Variants in FBXO34 observed in about 807,000 individuals in gnomAD.
The protein encoded by FBXO34 is F-box protein 34.
A neutral mutation model predicts 24.5 loss-of-function variants in FBXO34; 12 were observed. The ratio of observed to expected loss-of-function variants is 0.49; its 90% CI spans 0.31 to 0.79. The LOEUF (loss-of-function observed/expected upper bound fraction) is 0.79, where lower values mean the gene tolerates loss of function less well. Among genes scored for constraint, FBXO34 ranks in the 30% least tolerant of loss-of-function variants. The pLI is 0.04. For missense variants in FBXO34, 823 were observed against 857.7 expected (o/e 0.96, Z 0.51); for synonymous variants, 320 against 311.9 (o/e 1.03, Z -0.27).
intron 1 of FBXO34, among the ~76,000 whole-genome samples, chr14:55,321,323 A>G (rs532065352): frequency 1.1e-4 from 16 of 152,220 alleles, no homozygotes; most frequent in Non-Finnish European, 2.2e-4. Context: ...ACCTGCAAAG[A>G]ACAGATGCCT....
Position 55,351,602 on chromosome 14 carries a change from T to C in FBXO34, c.1212T>C (p.Asp404=). 6.2e-7 allele frequency: 1 copy of C among 1,614,184 alleles called. No homozygotes were observed. The highest frequency in any genetic ancestry group is 2.2e-5 in the East Asian group (1 of 44,888). Residue 404 remains aspartate, a synonymous_variant, in exon 2 of 2, where the codon GAT becomes GAC. Coordinates refer to ENST00000313833, the MANE Select transcript of FBXO34 (RefSeq NM_017943.4). Reference sequence around the variant, plus strand: ...CCGTGAAAAACAGCAACAGATATGATGTGGAAATGACAGATGAACTCGTTG... The same window carrying C: ...CCGTGAAAAACAGCAACAGATATGACGTGGAAATGACAGATGAACTCGTTG... ...QTAVKNSNRY[D]VEMTDELVGL...
chr14:55,354,593 T>A (rs1477974947), downstream of FBXO34: 1 of 152,270 alleles, frequency 6.6e-6, no homozygotes, highest in African/African-American at 2.4e-5. Flanking sequence ...ACAGTAAGTA[T>A]GTCCCAGCCC....
intron 1 of FBXO34, among the ~76,000 whole-genome samples, chr14:55,296,844 T>G (rs1882152294): frequency 6.6e-6 from 1 of 152,252 alleles, no homozygotes; most frequent in Non-Finnish European, 1.5e-5. Context: ...GAATTAGTTT[T>G]GAACCTTAAT....
chr14:55,405,800 T>G, the FBXO34 span, among the ~76,000 whole-genome samples: 2 of 152,060 alleles, frequency 1.3e-5, no homozygotes, highest in Non-Finnish European at 2.9e-5. Flanking sequence ...TCTTCATCCC[T>G]TAAGGAAGCA....
downstream of FBXO34, among the ~76,000 whole-genome samples, chr14:55,370,314 G>C (rs369563173): frequency 6.6e-6 from 1 of 152,170 alleles, no homozygotes; most frequent in Admixed American, 6.5e-5. Context: ...AAAGCCACTT[G>C]ATGTATACTC....
At chr14:55,379,330 G>A in the FBXO34 span, among the ~76,000 whole-genome samples, 1 of 151,864 alleles carries the variant, frequency 6.6e-6, no homozygotes, top group East Asian at 2.0e-4. Context: ...GAGCCCAGGA[G>A]TTCAAGACCA....
the FBXO34 span, among the ~76,000 whole-genome samples, chr14:55,430,541 G>C: frequency 6.6e-6 from 1 of 151,968 alleles, no homozygotes; most frequent in Non-Finnish European, 1.5e-5. Context: ...TAAGTAGCCT[G>C]CAGGGGCATG....
At chr14:55,300,372 C>G (rs1341765839) in intron 1 of FBXO34, among the ~76,000 whole-genome samples, 1 of 152,172 alleles carries the variant, frequency 6.6e-6, no homozygotes, top group East Asian at 1.9e-4. Context: ...GCGGGTGGAT[C>G]ACGAGGTCAG....
chr14:55,419,212 C>G, the FBXO34 span, among the ~76,000 whole-genome samples: 2 of 152,184 alleles, frequency 1.3e-5, no homozygotes, highest in African/African-American at 4.8e-5. Flanking sequence ...TGCCTGTTGC[C>G]CTGCGGCACA....
chr14:55,330,621 A>G (rs148779984), intron 1 of FBXO34, among the ~76,000 whole-genome samples: 3 of 152,056 alleles, frequency 2.0e-5, no homozygotes, highest in African/African-American at 7.3e-5. Context: ...TCTCTACAAA[A>G]AAAATTAAAG....
chr14:55,422,491 C>T, the FBXO34 span, among the ~76,000 whole-genome samples: 2 of 152,148 alleles, frequency 1.3e-5, no homozygotes, highest in South Asian at 2.1e-4. Context: ...CCTCATAATT[C>T]GCCTGCCTCG....
At position 55,275,035 on chromosome 14, in the gene FBXO34, A is replaced by C. The variant is rs192267838; in HGVS notation, c.-11+3498A>C. On this transcript the variant is annotated intron_variant, in intron 1 of 1. Transcript: ENST00000313833. The stretch of plus-strand genomic sequence containing the variant: ...GTCATCTGGAAATTGAATTCCTGTC[A>C]GTTCTTATCTTTGCATAATTTATCT... 1.2e-3 allele frequency among the ~76,000 whole-genome samples: 181 copies of C among 152,344 alleles called. 2 individuals carry two copies. Among genetic ancestry groups the C allele is most frequent in the Non-Finnish European group, 8.8e-5 (6 of 68,028 alleles).
intron 1 of FBXO34, among the ~76,000 whole-genome samples, chr14:55,275,878 TGTTA>T (rs148552160): frequency 0.13 from 18,638 of 138,950 alleles, 1,532 homozygotes; most frequent in Non-Finnish European, 0.17. Flanking sequence ...TGGCCAGAGG[TGTTA>T]GTTAAAGGTC....
At chr14:55,388,339 A>G in the FBXO34 span, among the ~76,000 whole-genome samples, 2,107 of 152,318 alleles carry the variant, frequency 0.014, 56 homozygotes, top group African/African-American at 0.048. Context: ...CAAATTTATT[A>G]TCATGACCAC....
At chr14:55,371,983 T>C (rs1003563149), downstream of FBXO34, among the ~76,000 whole-genome samples, 3 of 152,198 alleles carry the variant, frequency 2.0e-5, no homozygotes, top group South Asian at 6.2e-4. Context: ...CTGAGCACCC[T>C]CTTCTCAAGT....
At chr14:55,295,838 A>T (rs1302255983) in intron 1 of FBXO34, among the ~76,000 whole-genome samples, 1 of 152,268 alleles carries the variant, frequency 6.6e-6, no homozygotes, top group Non-Finnish European at 1.5e-5. Context: ...CTTTCCTGTT[A>T]TAGTAAAGAA....
the FBXO34 span, among the ~76,000 whole-genome samples, chr14:55,380,853 G>GTATATATA: frequency 1.8e-3 from 199 of 107,902 alleles, 1 homozygote; most frequent in African/African-American, 5.0e-3. Context: ...CATTCTTTGT[G>GTATATATA]TGTATATATA....
chr14:55,296,680 G>C (rs1882145280), intron 1 of FBXO34, among the ~76,000 whole-genome samples: 1 of 152,076 alleles, frequency 6.6e-6, no homozygotes, highest in Non-Finnish European at 1.5e-5. Flanking sequence ...ACAGGCATGA[G>C]CCACTGCGCC....
intron 1 of FBXO34, among the ~76,000 whole-genome samples, chr14:55,321,121 TTAAAAA>T (rs1883118939): frequency 6.6e-6 from 1 of 150,868 alleles, no homozygotes; most frequent in East Asian, 1.9e-4. Context: ...TCAAAGAATC[TTAAAAA>T]TAAGAGTTAC....
Sources: gnomAD v4.1 joint callset for allele counts (sites outside exome capture counted in the v4.1 genomes callset) on GRCh38, gnomAD v4.1.1 for gene constraint, MANE v1.5 for transcripts, NCBI Gene and HGNC (gene_info 2026-07-23, HGNC 2026-07-21) for gene names.